The following TMEM132D variants were observed in gnomAD, a reference collection of about 807,000 sequenced individuals.
The protein encoded by TMEM132D is transmembrane protein 132D, also known as mature OL transmembrane protein.
In TMEM132D, 21 loss-of-function variants were observed where a neutral mutation model predicts 62.3. The ratio of observed to expected loss-of-function variants is 0.34; its 90% CI spans 0.24 to 0.49. The LOEUF is 0.49. TMEM132D is among the 20% of genes least tolerant of loss of function. TMEM132D has a pLI of 0.99. For synonymous variants in TMEM132D, 621 were observed against 575.6 expected, an observed-to-expected ratio of 1.08 and a Z score of -1.13; for missense variants, 1,346 against 1,402.8, an observed-to-expected ratio of 0.96 and a Z score of 0.65.
intron 1 of TMEM132D, among the ~76,000 whole-genome samples, chr12:129,847,157 G>A (rs1225011418): frequency 6.6e-6 from 1 of 152,128 alleles, no homozygotes; most frequent in Non-Finnish European, 1.5e-5. Flanking sequence ...TCTATTTCTG[G>A]TTCACTTGTG....
intron 2 of TMEM132D, among the ~76,000 whole-genome samples, chr12:129,597,367 T>TA (rs1291813547): frequency 1.3e-5 from 2 of 152,156 alleles, no homozygotes; most frequent in Admixed American, 1.3e-4. Context: ...CCTGAAGTGT[T>TA]AAAAAAGTAT....
intron 3 of TMEM132D, among the ~76,000 whole-genome samples, chr12:129,398,392 G>T (rs1269113144): frequency 6.6e-6 from 1 of 152,216 alleles, no homozygotes; most frequent in Non-Finnish European, 1.5e-5. Context: ...ACTGTAGGGA[G>T]CAGAGCAAGA....
intron 1 of TMEM132D, among the ~76,000 whole-genome samples, chr12:129,795,551 T>G (rs762244988): frequency 1.3e-5 from 2 of 152,234 alleles, no homozygotes; most frequent in Non-Finnish European, 2.9e-5. Context: ...GGGCCAACGA[T>G]AGGCCTCATG....
intron 2 of TMEM132D, among the ~76,000 whole-genome samples, chr12:129,563,825 A>C (rs1433093262): frequency 6.6e-6 from 1 of 152,140 alleles, no homozygotes; most frequent in African/African-American, 2.4e-5. Flanking sequence ...AATATTTAAA[A>C]AATACTGAAC....
chr12:129,398,941 A>T (rs1253770607), intron 3 of TMEM132D, among the ~76,000 whole-genome samples: 1 of 152,178 alleles, frequency 6.6e-6, no homozygotes, highest in Admixed American at 6.5e-5. Flanking sequence ...GTAATTCGTA[A>T]TAAATAGAAA....
intron 4 of TMEM132D, among the ~76,000 whole-genome samples, chr12:129,275,721 A>G (rs1259936749): frequency 6.6e-6 from 1 of 152,218 alleles, no homozygotes; most frequent in Non-Finnish European, 1.5e-5. Context: ...TGAGTTGCTA[A>G]AGCAATGCCT....
intron 3 of TMEM132D, among the ~76,000 whole-genome samples, chr12:129,528,867 C>T (rs1290955579): frequency 2.0e-5 from 3 of 152,242 alleles, no homozygotes; most frequent in South Asian, 2.1e-4. Flanking sequence ...AGAGCTTCCT[C>T]ATTAAGCAAA....
At chr12:129,399,080 G>A (rs1287963845) in intron 3 of TMEM132D, among the ~76,000 whole-genome samples, 1 of 149,486 alleles carries the variant, frequency 6.7e-6, no homozygotes, top group Non-Finnish European at 1.5e-5. Flanking sequence ...ATGGGACAAG[G>A]GCATGGGGAC....
chr12:129,785,598 G>A (rs549572997), intron 1 of TMEM132D, among the ~76,000 whole-genome samples: 37 of 152,294 alleles, frequency 2.4e-4, no homozygotes, highest in Middle Eastern at 3.4e-3. Flanking sequence ...TAGATTTACA[G>A]CTTTCTTCAT....
intron 4 of TMEM132D, among the ~76,000 whole-genome samples, chr12:129,312,787 C>CATT: frequency 6.6e-6 from 1 of 152,256 alleles, no homozygotes; most frequent in Admixed American, 6.5e-5. Flanking sequence ...CCCCTCCATC[C>CATT]CCAAAGGACA....
intron 1 of TMEM132D, among the ~76,000 whole-genome samples, chr12:129,830,742 C>T (rs1040407400): frequency 2.0e-5 from 3 of 152,048 alleles, no homozygotes; most frequent in Non-Finnish European, 2.9e-5. Context: ...GGCCTTATCT[C>T]GTCATTTTTC....
In TMEM132D at chr12:129,155,582, T is replaced by A. The variant is rs189806691; in HGVS notation, c.1443+53938A>T. On this transcript the variant is annotated intron_variant, in intron 5 of 8. Transcript: ENST00000422113. Reference sequence around the variant, plus strand: ...AAAGACATTTATGTCTCACAGTTCTTGAGGCTGGGAAGCCCAATATTAAGG... The same window carrying A: ...AAAGACATTTATGTCTCACAGTTCTAGAGGCTGGGAAGCCCAATATTAAGG... Among the ~76,000 whole-genome samples the A allele has an allele frequency of 1.9e-3, 295 of 152,336 alleles. 4 individuals carry two copies. The South Asian group carries it at 0.021, about 11-fold the overall frequency.
rs148604598 is a variant in TMEM132D at position 129,323,083 on chromosome 12, G to A, written c.1299+14551C>T. ...TTGCTGACAGGTTTAGGAAAAATAA[G>A]TTCTGTAAAAAGTCACTTTGAACTG... On this transcript the variant is annotated intron_variant, in intron 4 of 8. Coordinates refer to ENST00000422113, the MANE Select transcript of TMEM132D (RefSeq NM_133448.3). 5.9e-5 allele frequency among the ~76,000 whole-genome samples: 9 copies of A among 152,210 alleles called. No homozygotes were observed. In the East Asian group the frequency reaches 1.7e-3, roughly 29 times the overall value.
At chr12:129,816,780 A>C (rs1197612073) in intron 1 of TMEM132D, among the ~76,000 whole-genome samples, 1 of 152,226 alleles carries the variant, frequency 6.6e-6, no homozygotes, top group East Asian at 1.9e-4. Context: ...TTCTTCACTG[A>C]TATGAGGACT....
intron 3 of TMEM132D, among the ~76,000 whole-genome samples, chr12:129,385,773 A>G (rs1007173897): frequency 5.3e-5 from 8 of 152,216 alleles, no homozygotes; most frequent in African/African-American, 1.4e-4. Flanking sequence ...TCTGCTGCAT[A>G]TTTTATGACT....
At chr12:129,812,063 T>G (rs1872203560) in intron 1 of TMEM132D, among the ~76,000 whole-genome samples, 2 of 151,876 alleles carry the variant, frequency 1.3e-5, no homozygotes, top group Non-Finnish European at 2.9e-5. Context: ...TCCAAGCTGC[T>G]ACCTTGGTGG....
intron 3 of TMEM132D, among the ~76,000 whole-genome samples, chr12:129,428,082 A>G (rs1436461403): frequency 6.6e-6 from 1 of 152,224 alleles, no homozygotes; most frequent in East Asian, 1.9e-4. Flanking sequence ...AAGAGAAGAG[A>G]GGAAACAGGG....
chr12:129,502,625 C>A (rs1030541698), intron 3 of TMEM132D, among the ~76,000 whole-genome samples: 2 of 151,962 alleles, frequency 1.3e-5, no homozygotes, highest in East Asian at 1.9e-4. Flanking sequence ...AGGCAGAGAG[C>A]AATGCTATAT....
chr12:129,347,604 A>T (rs928005923), intron 3 of TMEM132D, among the ~76,000 whole-genome samples: 4 of 152,160 alleles, frequency 2.6e-5, no homozygotes, highest in African/African-American at 9.7e-5. Flanking sequence ...AACCACAAAA[A>T]CCCTAGAGGA....
Sources: gnomAD v4.1 joint callset for allele counts (sites outside exome capture counted in the v4.1 genomes callset) on GRCh38, gnomAD v4.1.1 for gene constraint, MANE v1.5 for transcripts, NCBI Gene and HGNC (gene_info 2026-07-23, HGNC 2026-07-21) for gene names.